Variants in LINGO2 observed in about 807,000 individuals in gnomAD.
LINGO2 encodes leucine rich repeat and Ig domain containing 2.
LINGO2 carries 14 observed loss-of-function variants against 30.6 expected under a neutral mutation model. The observed-to-expected ratio is 0.46, with a 90% CI of 0.30 to 0.72. The LOEUF (loss-of-function observed/expected upper bound fraction) is 0.72. Ranked by LOEUF, LINGO2 falls within the 30% of genes least tolerant of loss-of-function variation. LINGO2 has a pLI of 0.07. For synonymous variants in LINGO2, 317 were observed against 288.5 expected, an observed-to-expected ratio of 1.10 and a Z score of -1.00; for missense variants, 729 against 751.7, an observed-to-expected ratio of 0.97 and a Z score of 0.35.
At chr9:28,143,380 G>A (rs1563999313) in intron 4 of LINGO2, among the ~76,000 whole-genome samples, 1 of 152,246 alleles carries the variant, frequency 6.6e-6, no homozygotes, top group Non-Finnish European at 1.5e-5. Context: ...TATGGAGAAA[G>A]GATTAGTGCT....
chr9:28,989,747 T>C, the LINGO2 span, among the ~76,000 whole-genome samples: 1 of 152,170 alleles, frequency 6.6e-6, no homozygotes, highest in Non-Finnish European at 1.5e-5. Flanking sequence ...GCTAACTATA[T>C]ATGTTGTTTC....
intron 4 of LINGO2, among the ~76,000 whole-genome samples, chr9:28,051,332 T>C (rs1451476553): frequency 2.0e-5 from 3 of 152,246 alleles, no homozygotes; most frequent in East Asian, 1.9e-4. Flanking sequence ...GAAAAGTTTC[T>C]TTCCAAAAAT....
chr9:28,000,583 ATC>A (rs1401589314), intron 5 of LINGO2, among the ~76,000 whole-genome samples: 1 of 152,166 alleles, frequency 6.6e-6, no homozygotes, highest in Non-Finnish European at 1.5e-5. Flanking sequence ...CTAGAATACA[ATC>A]TCTGCATTCC....
At chr9:28,816,041 T>G in the LINGO2 span, among the ~76,000 whole-genome samples, 1 of 152,142 alleles carries the variant, frequency 6.6e-6, no homozygotes, top group Non-Finnish European at 1.5e-5. Context: ...GTGGAAGGCA[T>G]CATGTGGTGA....
Position 28,091,480 on chromosome 9 carries a change from G to A in LINGO2, c.-86-79075C>T, listed in dbSNP as rs538324150. On this transcript the variant is annotated intron_variant, in intron 4 of 5. Transcript: ENST00000379992. ...ATTCCCTATTTAATAAATGGTGCTG[G>A]GAAAACTGGCTAGCCATATGCAGAA... 4.6e-5 allele frequency among the ~76,000 whole-genome samples: 7 copies of A among 152,236 alleles called. No homozygotes were observed. The South Asian group carries it at 1.5e-3, about 32-fold the overall frequency.
At chr9:28,208,497 G>T (rs146931740) in intron 4 of LINGO2, among the ~76,000 whole-genome samples, 1 of 151,998 alleles carries the variant, frequency 6.6e-6, no homozygotes, top group African/African-American at 2.4e-5. Context: ...GGGGCAGGAG[G>T]TAAAGAGGAG....
chr9:28,515,341 G>A (rs553737202), intron 1 of LINGO2, among the ~76,000 whole-genome samples: 3 of 151,962 alleles, frequency 2.0e-5, no homozygotes, highest in South Asian at 4.2e-4. Context: ...TGAGTAGCTG[G>A]GACTACAGGT....
rs562659691 is a variant in LINGO2 at position 28,129,943 on chromosome 9, A to G, written c.-86-117538T>C. 2.0e-5 allele frequency among the ~76,000 whole-genome samples: 3 copies of G among 152,340 alleles called. No individual in the cohort carries two copies. The South Asian group carries it at 6.2e-4, about 32-fold the overall frequency. On this transcript the variant is annotated intron_variant, in intron 4 of 5. Transcript: ENST00000379992. The surrounding 1 kb of genome is among the most constrained non-coding windows in gnomAD (Gnocchi z 4.0). ...CCGTGTTTTGAGCCAGAACATGTGA[A>G]TCTTTGTGGTATAACAACTTATGTT... is the stretch of plus-strand genomic sequence containing the variant.
At chr9:28,846,496 A>C in the LINGO2 span, among the ~76,000 whole-genome samples, 1 of 141,454 alleles carries the variant, frequency 7.1e-6, no homozygotes, top group African/African-American at 2.7e-5. Flanking sequence ...TATTAGATGG[A>C]AGTGGGTGTT....
chr9:28,209,417 C>T (rs1331543619), intron 4 of LINGO2, among the ~76,000 whole-genome samples: 5 of 151,966 alleles, frequency 3.3e-5, no homozygotes, highest in African/African-American at 9.6e-5. Context: ...AATTTCTTTT[C>T]ATACTGCAGG....
intron 1 of LINGO2, among the ~76,000 whole-genome samples, chr9:28,482,450 T>C (rs577556435): frequency 6.6e-6 from 1 of 152,108 alleles, no homozygotes; most frequent in Non-Finnish European, 1.5e-5. Context: ...TCATGTCCTT[T>C]GCCCACTTTT....
chr9:28,854,550 G>T, the LINGO2 span, among the ~76,000 whole-genome samples: 2 of 151,886 alleles, frequency 1.3e-5, no homozygotes, highest in Non-Finnish European at 2.9e-5. Flanking sequence ...AATTTTATGA[G>T]CGTTAATGGA....
chr9:28,171,606 T>C (rs1564016369), intron 4 of LINGO2, among the ~76,000 whole-genome samples: 1 of 152,166 alleles, frequency 6.6e-6, no homozygotes, highest in Non-Finnish European at 1.5e-5. Flanking sequence ...TATAAATATG[T>C]ATTGGGACTT....
At chr9:28,101,735 C>A (rs766082230) in intron 4 of LINGO2, among the ~76,000 whole-genome samples, 18 of 152,146 alleles carry the variant, frequency 1.2e-4, no homozygotes, top group Non-Finnish European at 2.2e-4. Flanking sequence ...TGGGCTAAAT[C>A]TCTCAGCAAT....
At chr9:28,018,183 C>T (rs7858155) in intron 4 of LINGO2, among the ~76,000 whole-genome samples, 36,094 of 152,004 alleles carry the variant, frequency 0.24, 4,404 homozygotes, top group South Asian at 0.3. Flanking sequence ...GGACCCCTTC[C>T]TTACACCATA....
At chr9:28,512,634 T>TATAC (rs200245846) in intron 1 of LINGO2, among the ~76,000 whole-genome samples, 11 of 6,438 alleles carry the variant, frequency 1.7e-3, no homozygotes, top group African/African-American at 3.1e-3. Context: ...TATATATATA[T>TATAC]ATACACACAT....
At position 28,295,374 on chromosome 9, in the gene LINGO2, A is replaced by G. The variant is rs10968460; in HGVS notation, c.-245-8T>C. 0.072 allele frequency: 11,027 copies of G among 152,548 alleles called. 722 individuals carry two copies. The highest frequency in any genetic ancestry group is 0.39 in the East Asian group (1,976 of 5,122). 9.4% of individuals were successfully genotyped at this position (152,548 alleles called of 1,614,324 possible). A position where few individuals can be genotyped will look rare whatever the true frequency, so the allele number is the denominator to read the frequency against. ...CAACTGCTTGAAACGAACCTGCAAC[A>G]AACAAGATATTTCTCCATTTTAATT... On this transcript the variant is annotated splice_region_variant and splice_polypyrimidine_tract_variant and intron_variant, in intron 3 of 5. Transcript: ENST00000379992.
At chr9:29,169,863 T>A in the LINGO2 span, among the ~76,000 whole-genome samples, 6 of 152,218 alleles carry the variant, frequency 3.9e-5, no homozygotes, top group South Asian at 1.2e-3. Flanking sequence ...CTAGGTGTGG[T>A]GGCACGCGCC....
chr9:28,955,501 T>C, the LINGO2 span, among the ~76,000 whole-genome samples: 1 of 152,056 alleles, frequency 6.6e-6, no homozygotes, highest in Non-Finnish European at 1.5e-5. Flanking sequence ...AGGGATGTCC[T>C]GCAGTGGAAG....
Sources: allele counts gnomAD v4.1 joint callset (sites outside exome capture counted in the v4.1 genomes callset), GRCh38; gene constraint gnomAD v4.1.1; non-coding constraint Gnocchi (gnomAD v3.1); transcripts MANE v1.5; gene names NCBI Gene and HGNC (gene_info 2026-07-23, HGNC 2026-07-21).